The following TRPM3 variants were observed in gnomAD, a reference collection of about 807,000 sequenced individuals.
TRPM3 encodes the protein long transient receptor potential channel 3.
TRPM3 carries 77 observed loss-of-function variants against 181.2 expected under a neutral mutation model. The ratio of observed to expected loss-of-function variants is 0.42; its 90% CI spans 0.35 to 0.51. The LOEUF (loss-of-function observed/expected upper bound fraction) is 0.51. Among genes scored for constraint, TRPM3 ranks in the 20% least tolerant of loss-of-function variants. The pLI, the probability that TRPM3 is intolerant of heterozygous loss-of-function variation, is 0.01. For synonymous variants in TRPM3, 745 were observed against 796.4 expected, an observed-to-expected ratio of 0.94 and a Z score of 1.09; for missense variants, 1,759 against 2,196.7, an observed-to-expected ratio of 0.80 and a Z score of 3.98.
At chr9:70,844,506 T>C (rs2094865248) in intron 4 of TRPM3, among the ~76,000 whole-genome samples, 1 of 152,190 alleles carries the variant, frequency 6.6e-6, no homozygotes, top group Admixed American at 6.5e-5. Flanking sequence ...CAAAAAAGGC[T>C]GTGAATATTG....
chr9:71,288,335 C>A (rs1314419720), intron 1 of TRPM3, among the ~76,000 whole-genome samples: 1 of 151,874 alleles, frequency 6.6e-6, no homozygotes, highest in Non-Finnish European at 1.5e-5. Flanking sequence ...CGATTATTAA[C>A]AAAATTATAA....
intron 8 of TRPM3, among the ~76,000 whole-genome samples, chr9:70,737,989 C>T (rs938882673): frequency 1.3e-5 from 2 of 152,188 alleles, no homozygotes; most frequent in East Asian, 1.9e-4. Context: ...AACAAAGAAA[C>T]GATGGATTTA....
chr9:71,058,584 A>T (rs2060936021), intron 1 of TRPM3, among the ~76,000 whole-genome samples: 1 of 152,072 alleles, frequency 6.6e-6, no homozygotes, highest in Admixed American at 6.6e-5. Context: ...TTCTGCTGCA[A>T]TGAATGCATT....
At chr9:71,436,497 GT>G (rs1563930339) in intron 1 of TRPM3, among the ~76,000 whole-genome samples, 1 of 140,866 alleles carries the variant, frequency 7.1e-6, no homozygotes, top group South Asian at 2.3e-4. Flanking sequence ...GAGACGGGGG[GT>G]TTCACCATGT....
At chr9:71,233,418 A>G (rs556498606) in intron 1 of TRPM3, among the ~76,000 whole-genome samples, 30 of 152,342 alleles carry the variant, frequency 2.0e-4, no homozygotes, top group African/African-American at 7.0e-4. Context: ...AATTATATAC[A>G]GTTATCTTTA....
At chr9:70,776,686 G>C (rs186711616) in intron 7 of TRPM3, among the ~76,000 whole-genome samples, 2 of 152,194 alleles carry the variant, frequency 1.3e-5, no homozygotes, top group African/African-American at 4.8e-5. Context: ...GTGGGAAAGA[G>C]AGAAATGTGG....
At chr9:70,768,702 C>T in intron 7 of TRPM3, among the ~76,000 whole-genome samples, 1 of 151,962 alleles carries the variant, frequency 6.6e-6, no homozygotes, top group East Asian at 1.9e-4. Context: ...AGCAGGATTG[C>T]TTGAGGCCAG....
intron 9 of TRPM3, among the ~76,000 whole-genome samples, chr9:70,655,988 G>T (rs564620398): frequency 2.0e-5 from 3 of 151,766 alleles, no homozygotes; most frequent in Non-Finnish European, 4.4e-5. Context: ...CTAATTAATT[G>T]GCTTAAGAAA....
intron 1 of TRPM3, among the ~76,000 whole-genome samples, chr9:71,316,288 A>T (rs1325784699): frequency 6.6e-6 from 1 of 152,172 alleles, no homozygotes; most frequent in Non-Finnish European, 1.5e-5. Context: ...GCTCTAAAAC[A>T]TGTCCATTAA....
At chr9:71,198,408 G>A (rs1191355294) in intron 1 of TRPM3, among the ~76,000 whole-genome samples, 4 of 152,144 alleles carry the variant, frequency 2.6e-5, no homozygotes, top group African/African-American at 7.2e-5. Context: ...ATTCTGTGAA[G>A]AAAGTCATTG....
chr9:71,176,600 C>T (rs2077116404), intron 1 of TRPM3, among the ~76,000 whole-genome samples: 1 of 151,742 alleles, frequency 6.6e-6, no homozygotes, highest in Non-Finnish European at 1.5e-5. Context: ...TTTAGTATAG[C>T]CTAAGTATAA....
In TRPM3 at chr9:71,342,487, A is replaced by G. The variant is rs376461073; in HGVS notation, c.183+104166T>C. ...TATTATACAGCTATAAAAAGTAATT[A>G]GTAAACTCCATGAAGCGATATGAAA... On this transcript the variant is annotated intron_variant, in intron 1 of 24. Coordinates refer to the TRPM3 transcript ENST00000357533. 6.0e-4 allele frequency among the ~76,000 whole-genome samples: 91 copies of G among 152,022 alleles called. 3 individuals carry two copies. In the South Asian group the frequency reaches 0.018, roughly 30 times the overall value.
intron 1 of TRPM3, among the ~76,000 whole-genome samples, chr9:71,118,051 CT>C (rs915358973): frequency 2.4e-4 from 37 of 152,200 alleles, no homozygotes; most frequent in African/African-American, 6.7e-4. Flanking sequence ...ATAAACTTGA[CT>C]TTTTTTGTGA....
In TRPM3 at chr9:71,261,032, GA is replaced by G. The variant is rs1292364840; in HGVS notation, c.183+185620del. ...CTTTGTGGTGTTCTCTGTATTTCCA[GA>G]ATTTGAATGTTGGCCTGCCTTGCTA... On this transcript the variant is annotated intron_variant, in intron 1 of 24. Transcript: ENST00000357533. 1.2e-4 allele frequency among the ~76,000 whole-genome samples: 19 copies of G among 152,264 alleles called. 1 individual carries two copies. The South Asian group carries it at 3.7e-3, about 30-fold the overall frequency.
chr9:70,916,288 A>G (rs1374138375), intron 1 of TRPM3, among the ~76,000 whole-genome samples: 2 of 152,238 alleles, frequency 1.3e-5, no homozygotes, highest in Non-Finnish European at 2.9e-5. Context: ...AATGAGCAAT[A>G]AGAAATCATC....
chr9:70,775,722 A>G (rs190861658), intron 7 of TRPM3: 1 of 152,256 alleles, frequency 6.6e-6, no homozygotes, highest in African/African-American at 2.4e-5. Flanking sequence ...TTGAAATGCA[A>G]ATTACCTGAC....
At chr9:71,103,540 A>G (rs1297569029) in intron 1 of TRPM3, among the ~76,000 whole-genome samples, 1 of 152,234 alleles carries the variant, frequency 6.6e-6, no homozygotes, top group Non-Finnish European at 1.5e-5. Flanking sequence ...GAGACAAAAA[A>G]TATCTCACTG....
intron 1 of TRPM3, among the ~76,000 whole-genome samples, chr9:71,363,075 C>T (rs1489742905): frequency 6.6e-6 from 1 of 152,172 alleles, no homozygotes; most frequent in Admixed American, 6.5e-5. Flanking sequence ...TAATTGCATT[C>T]GTTTTACTGT....
chr9:71,422,408 G>A (rs1451363690), intron 1 of TRPM3, among the ~76,000 whole-genome samples: 5 of 152,022 alleles, frequency 3.3e-5, no homozygotes, highest in Non-Finnish European at 7.4e-5. Context: ...GCCTTGGAGG[G>A]ACCTTTCCAC....
Sources: gnomAD v4.1 joint callset for allele counts (sites outside exome capture counted in the v4.1 genomes callset) on GRCh38, gnomAD v4.1.1 for gene constraint, MANE v1.5 for transcripts, NCBI Gene and HGNC (gene_info 2026-07-23, HGNC 2026-07-21) for gene names.